MDM2: variants seen among roughly 807,000 people sequenced by gnomAD.
The protein encoded by MDM2 is E3 ubiquitin-protein ligase Mdm2.
In MDM2, 11 loss-of-function variants were observed where a neutral mutation model predicts 64.3. The observed-to-expected ratio is 0.17, with a 90% CI of 0.11 to 0.28. The LOEUF (loss-of-function observed/expected upper bound fraction) is 0.28, where lower values mean the gene tolerates loss of function less well. Among genes scored for constraint, MDM2 ranks in the 10% least tolerant of loss-of-function variants. MDM2 has a pLI of 1.00. For missense variants in MDM2, 388 were observed against 577.1 expected (o/e 0.67, Z 3.36); for synonymous variants, 194 against 192.9 (o/e 1.01, Z -0.05).
At chr12:68,827,627 A>G (rs541685461) in intron 7 of MDM2, among the ~76,000 whole-genome samples, 1 of 152,310 alleles carries the variant, frequency 6.6e-6, no homozygotes, top group Non-Finnish European at 1.5e-5. Flanking sequence ...CCCCAGCATT[A>G]TAAGAATATT....
intron 9 of MDM2, among the ~76,000 whole-genome samples, chr12:68,836,405 ATTAG>A (rs1309236932): frequency 1.3e-5 from 2 of 152,136 alleles, no homozygotes; most frequent in Non-Finnish European, 2.9e-5. Flanking sequence ...ATATCTCCAT[ATTAG>A]TTATTTATGA....
At position 68,839,424 on chromosome 12, in the gene MDM2, A is replaced by G. The variant is rs1883567153; in HGVS notation, c.1069A>G (p.Thr357Ala). Residue 357 changes from threonine to alanine, a missense_variant, in exon 11 of 11, where the codon ACA becomes GCA. Physicochemically the swap from Thr to Ala is moderately conservative, Grantham distance 58. Transcript: ENST00000258149. ...ISEKAKLENS[T>A]QAEEGFDVPD... ...TGAGAAAGCCAAACTGGAAAACTCA[A>G]CACAAGCTGAAGAGGGCTTTGATGT... 1 of 1,613,928 alleles carries G rather than the reference A, an allele frequency of 6.2e-7. No homozygotes were observed.
chr12:68,820,124 A>T (rs1420859852), intron 4 of MDM2, among the ~76,000 whole-genome samples: 2 of 152,202 alleles, frequency 1.3e-5, no homozygotes, highest in African/African-American at 4.8e-5. Flanking sequence ...GTAATTATTA[A>T]AAGTAGCTGT....
intron 8 of MDM2, among the ~76,000 whole-genome samples, chr12:68,832,001 C>T (rs1277098699): frequency 3.3e-5 from 5 of 152,126 alleles, no homozygotes; most frequent in Non-Finnish European, 7.4e-5. Flanking sequence ...ACCCGGGAGG[C>T]GGAGGTTGCA....
intron 3 of MDM2, among the ~76,000 whole-genome samples, chr12:68,816,264 A>C (rs537208262): frequency 6.6e-6 from 1 of 152,158 alleles, no homozygotes; most frequent in East Asian, 1.9e-4. Flanking sequence ...GTTAAAGTCT[A>C]CAAGGAAAAA....
chr12:68,834,442 CA>C (rs1238918782), intron 8 of MDM2, among the ~76,000 whole-genome samples: 97 of 127,958 alleles, frequency 7.6e-4, no homozygotes, highest in Middle Eastern at 4.5e-3. Flanking sequence ...ACTCTTGTCT[CA>C]AAAAAAAAAA....
In MDM2 at chr12:68,836,811, A is replaced by G. The variant is rs946765675; in HGVS notation, c.918+62A>G. 9 of 977,790 alleles carry G rather than the reference A, an allele frequency of 9.2e-6. No homozygotes were observed. The African/African-American group carries it at 9.8e-5, about 11-fold the overall frequency. 60.6% of individuals were successfully genotyped at this position (977,790 alleles called of 1,614,324 possible). A position where few individuals can be genotyped will look rare whatever the true frequency, so the allele number is the denominator to read the frequency against. On this transcript the variant is annotated intron_variant, in intron 10 of 10. Transcript: ENST00000258149. Reference sequence around the variant, plus strand: ...TCATTAAGGTCAAGATTAGGAGACTATATCTAGCTTCTTTCTGAAATGAAC... The same window carrying G: ...TCATTAAGGTCAAGATTAGGAGACTGTATCTAGCTTCTTTCTGAAATGAAC...
intron 8 of MDM2, among the ~76,000 whole-genome samples, chr12:68,833,290 T>TAAAAATATATTTATATATAAAA (rs1565744047): frequency 1.0e-5 from 1 of 97,764 alleles, no homozygotes; most frequent in Non-Finnish European, 1.8e-5. Flanking sequence ...AATATAAATA[T>TAAAAATATATTTATATATAAAA]ATATATTTAT....
intron 10 of MDM2, among the ~76,000 whole-genome samples, chr12:68,838,400 T>C (rs575263786): frequency 6.6e-5 from 10 of 152,254 alleles, no homozygotes; most frequent in African/African-American, 2.2e-4. Flanking sequence ...GGAAGAAGCA[T>C]TGAGCAGTTA....
downstream of MDM2, chr12:68,848,384 C>A: frequency 6.6e-6 from 1 of 152,296 alleles, no homozygotes; most frequent in South Asian, 2.1e-4. Context: ...AGGCTGGTCT[C>A]GAATTCCTGA....
At position 68,845,124 on chromosome 12, in the gene MDM2, A is replaced by C. The variant is rs986302158; in HGVS notation, c.*5275A>C. On this transcript the variant is annotated 3_prime_UTR_variant, in exon 11 of 11. Coordinates refer to ENST00000258149, the MANE Select transcript of MDM2 (RefSeq NM_002392.6). ...GGTCTGTAGGCTTATGATGGTAACC[A>C]CAAGTTGTTAATGGCATTGTGAAAA... The C allele has an allele frequency of 4.5e-6, 1 of 222,978 alleles. No homozygotes were observed. Among genetic ancestry groups the C allele is most frequent in the African/African-American group, 2.2e-5 (1 of 44,656 alleles). 13.8% of individuals were successfully genotyped at this position (222,978 alleles called of 1,614,324 possible).
At chr12:68,818,760 T>A (rs944595023) in intron 4 of MDM2, among the ~76,000 whole-genome samples, 1 of 151,612 alleles carries the variant, frequency 6.6e-6, no homozygotes, top group African/African-American at 2.4e-5. Flanking sequence ...AATCTTCTAT[T>A]TTTTTTCTTT....
intron 7 of MDM2, chr12:68,828,296 TTAGA>T (rs1882501906): frequency 6.6e-6 from 1 of 152,474 alleles, no homozygotes; most frequent in South Asian, 2.1e-4. Context: ...AAAAACTTTA[TTAGA>T]TAGATTAAAT....
chr12:68,824,220 C>T, intron 5 of MDM2, 143 bp from the exon 6 acceptor site: 1 of 589,142 alleles, frequency 1.7e-6, no homozygotes, highest in Middle Eastern at 4.5e-4. Flanking sequence ...TATGAGGATG[C>T]CACCTGGAAA....
intron 9 of MDM2, 133 bp downstream of exon 9, chr12:68,836,117 A>G (rs1883289536): frequency 1.3e-6 from 1 of 763,174 alleles, no homozygotes; most frequent in Non-Finnish European, 2.0e-6. Context: ...TTAAACTAAC[A>G]CATTGGTTTG....
At chr12:68,821,510 C>T (rs1881848564) in intron 5 of MDM2, among the ~76,000 whole-genome samples, 1 of 152,016 alleles carries the variant, frequency 6.6e-6, no homozygotes, top group Non-Finnish European at 1.5e-5. Flanking sequence ...ATCACTTGAG[C>T]CGAGGAGTTC....
chr12:68,828,528 T>C, intron 7 of MDM2: 1 of 356,222 alleles, frequency 2.8e-6, no homozygotes, highest in Non-Finnish European at 5.3e-6. Flanking sequence ...GAGCCGAGAT[T>C]GTGCCTCTGT....
At chr12:68,810,569 C>T (rs1021322471) in intron 2 of MDM2, among the ~76,000 whole-genome samples, 1 of 151,774 alleles carries the variant, frequency 6.6e-6, no homozygotes, top group Non-Finnish European at 1.5e-5. Context: ...TCACGCCATT[C>T]CCCTGCCTCA....
intron 4 of MDM2, among the ~76,000 whole-genome samples, chr12:68,819,051 T>C (rs1625525): frequency 0.34 from 51,470 of 152,086 alleles, 9,486 homozygotes; most frequent in Non-Finnish European, 0.42. Flanking sequence ...AATCTTCGGA[T>C]AATGTTTGGA....
Sources: allele counts gnomAD v4.1 joint callset (sites outside exome capture counted in the v4.1 genomes callset), GRCh38; gene constraint gnomAD v4.1.1; transcripts MANE v1.5; gene names NCBI Gene and HGNC (gene_info 2026-07-23, HGNC 2026-07-21).